Variants in DPP6 observed in about 807,000 individuals in gnomAD.
DPP6 encodes A-type potassium channel modulatory protein DPP6.
Under a neutral mutation model 122.6 loss-of-function variants are expected in DPP6, and 69 were observed. The observed-to-expected ratio is 0.56, with a 90% confidence interval of 0.46 to 0.69. The LOEUF (loss-of-function observed/expected upper bound fraction) is 0.69, where lower values mean the gene tolerates loss of function less well. Among genes scored for constraint, DPP6 ranks in the 30% least tolerant of loss-of-function variants. The probability of loss-of-function intolerance (pLI) is 0.00; values close to 1 mark genes in which losing one functional copy is unlikely to be tolerated. For synonymous variants in DPP6, 418 were observed against 433.1 expected (o/e 0.97, Z 0.43); for missense variants, 928 against 1,116.9 (o/e 0.83, Z 2.41).
At position 154,878,786 on chromosome 7, in the gene DPP6, T is replaced by C. The variant is rs3807291; in HGVS notation, c.2079-2102T>C. Among the ~76,000 whole-genome samples the C allele has an allele frequency of 5.9e-5, 9 of 152,340 alleles. No individual in the cohort carries two copies. The East Asian group carries it at 1.5e-3, about 26-fold the overall frequency. On this transcript the variant is annotated intron_variant, in intron 20 of 25. Transcript: ENST00000377770. ...CTGTCTCCTAGAGACAGGTTGTCTC[T>C]GGGCTCAACTTGGGATTTTCTTCAC...
At chr7:154,058,845 C>A (rs1282742704) in intron 1 of DPP6, 1 of 148,378 alleles carries the variant, frequency 6.7e-6, no homozygotes, top group Non-Finnish European at 1.5e-5. Flanking sequence ...CCGCCCCTGG[C>A]TGTTAGTACC....
At chr7:153,883,994 TG>T (rs1221156997), upstream of DPP6, among the ~76,000 whole-genome samples, 3 of 152,176 alleles carry the variant, frequency 2.0e-5, no homozygotes, top group African/African-American at 7.2e-5. Flanking sequence ...TTTCTTTTTT[TG>T]GGGGAATTTT....
At position 154,664,050 on chromosome 7, in the gene DPP6, G is replaced by A. The variant is rs374649685; in HGVS notation, c.681-5310G>A. On this transcript the variant is annotated intron_variant, in intron 6 of 25. Coordinates refer to ENST00000377770, the MANE Select transcript of DPP6 (RefSeq NM_130797.4). Reference sequence around the variant, plus strand: ...TCATGGTGAATCACCATGGCATATCGGCCGTAGTGTTCATATAGTCATGGT... The same window carrying A: ...TCATGGTGAATCACCATGGCATATCAGCCGTAGTGTTCATATAGTCATGGT... Among the ~76,000 whole-genome samples the A allele has an allele frequency of 2.2e-5, 2 of 90,640 alleles. 1 individual carries two copies. The highest frequency in any genetic ancestry group is 9.0e-4 in the East Asian group (2 of 2,230). The allele number at this position is 90,640 out of a possible 152,430, so 59.5% of individuals were successfully genotyped here. A position where few individuals can be genotyped will look rare whatever the true frequency, so the allele number is the denominator to read the frequency against.
chr7:154,058,497 G>A (rs1278077258), intron 1 of DPP6: 17 of 127,606 alleles, frequency 1.3e-4, no homozygotes, highest in Admixed American at 7.8e-5. Flanking sequence ...GGCACCCTCC[G>A]CGAGGCAGGG....
chr7:154,076,470 T>G (rs1447108853), intron 1 of DPP6, among the ~76,000 whole-genome samples: 1 of 149,876 alleles, frequency 6.7e-6, no homozygotes, highest in African/African-American at 2.5e-5. Flanking sequence ...TAATAAATTT[T>G]TAAAAAGCAG....
At chr7:154,629,343 C>T (rs186206202) in intron 5 of DPP6, among the ~76,000 whole-genome samples, 1 of 152,146 alleles carries the variant, frequency 6.6e-6, no homozygotes, top group East Asian at 1.9e-4. Flanking sequence ...TTTTTTCCTT[C>T]AGGTTTTACT....
intron 1 of DPP6, among the ~76,000 whole-genome samples, chr7:154,060,288 A>C (rs151173692): frequency 9.1e-5 from 4 of 43,734 alleles, no homozygotes; most frequent in South Asian, 9.5e-4. Flanking sequence ...CTGAGAGGCA[A>C]TCCCTCTTCC....
At chr7:154,675,394 G>A (rs1331435871) in intron 7 of DPP6, among the ~76,000 whole-genome samples, 1 of 152,168 alleles carries the variant, frequency 6.6e-6, no homozygotes, top group Non-Finnish European at 1.5e-5. Context: ...GTGTTTTAAT[G>A]GTTAGGATGG....
At chr7:154,767,883 G>T (rs6950520) in intron 8 of DPP6, among the ~76,000 whole-genome samples, 14 of 152,068 alleles carry the variant, frequency 9.2e-5, no homozygotes, top group African/African-American at 1.7e-4. Context: ...CATTGCCTTC[G>T]GTGGGGGGCT....
At chr7:154,452,570 G>C (rs1053658377) in intron 2 of DPP6, among the ~76,000 whole-genome samples, 1 of 152,206 alleles carries the variant, frequency 6.6e-6, no homozygotes, top group African/African-American at 2.4e-5. Context: ...TACCAGTCTT[G>C]TATTCTGGTT....
At chr7:154,662,160 GC>G (rs1221092514) in intron 6 of DPP6, among the ~76,000 whole-genome samples, 1 of 151,070 alleles carries the variant, frequency 6.6e-6, no homozygotes, top group Non-Finnish European at 1.5e-5. Context: ...TGGCATATTG[GC>G]CGTAGTGTTC....
intron 7 of DPP6, among the ~76,000 whole-genome samples, chr7:154,710,487 A>G (rs1034791041): frequency 2.6e-5 from 4 of 152,170 alleles, no homozygotes; most frequent in East Asian, 3.9e-4. Flanking sequence ...GGTAATCCTA[A>G]CTTGCTGTTA....
At chr7:153,865,548 A>G in the DPP6 span, among the ~76,000 whole-genome samples, 1 of 152,216 alleles carries the variant, frequency 6.6e-6, no homozygotes, top group Non-Finnish European at 1.5e-5. Context: ...CCATAATTAA[A>G]TTACATATAA....
chr7:154,864,256 A>G (rs558226844), intron 17 of DPP6, among the ~76,000 whole-genome samples: 5 of 152,128 alleles, frequency 3.3e-5, no homozygotes, highest in Admixed American at 6.5e-5. Flanking sequence ...CTGGTCACCA[A>G]TTTTCCAAAA....
exon 1 of DPP6, chr7:153,887,654 A>G (rs558844491): frequency 1.2e-6 from 2 of 1,613,256 alleles, no homozygotes; most frequent in South Asian, 2.2e-5. Context: ...TCTTCCCTGG[A>G]CCAGAAGTCG....
chr7:154,882,292 A>T (rs187758943), intron 21 of DPP6, among the ~76,000 whole-genome samples: 243 of 152,310 alleles, frequency 1.6e-3, no homozygotes, highest in Non-Finnish European at 2.7e-3. Flanking sequence ...CCCCGCACTC[A>T]GCTCCGCCGA....
chr7:154,615,765 A>C (rs2130826861), intron 5 of DPP6, among the ~76,000 whole-genome samples: 1 of 152,304 alleles, frequency 6.6e-6, no homozygotes, highest in East Asian at 1.9e-4. Context: ...TGTCCCCGTT[A>C]AATACTAACT....
intron 5 of DPP6, among the ~76,000 whole-genome samples, chr7:154,598,784 CAGAG>C (rs1833251783): frequency 6.6e-6 from 1 of 152,270 alleles, no homozygotes; most frequent in Admixed American, 6.5e-5. Context: ...CAAGGAGGCT[CAGAG>C]AGGTTTATAG....
chr7:154,173,585 TG>T (rs1195732474), intron 1 of DPP6, among the ~76,000 whole-genome samples: 1 of 152,172 alleles, frequency 6.6e-6, no homozygotes, highest in African/African-American at 2.4e-5. Context: ...CACCTCCCGC[TG>T]CTCCCTGCTC....
Sources: allele counts gnomAD v4.1 joint callset (sites outside exome capture counted in the v4.1 genomes callset), GRCh38; gene constraint gnomAD v4.1.1; transcripts MANE v1.5; gene names NCBI Gene and HGNC (gene_info 2026-07-23, HGNC 2026-07-21).